CACNA1D: variants seen among roughly 807,000 people sequenced by gnomAD.
The protein encoded by CACNA1D is calcium voltage-gated channel subunit alpha1 D.
CACNA1D carries 55 observed loss-of-function variants against 257.1 expected under a neutral mutation model. The observed-to-expected ratio is 0.21, with a 90% CI of 0.17 to 0.27. The LOEUF is 0.27. Among genes scored for constraint, CACNA1D ranks in the 10% least tolerant of loss-of-function variants. The pLI is 1.00. For synonymous variants in CACNA1D, 980 were observed against 1,014.9 expected, an observed-to-expected ratio of 0.97 and a Z score of 0.65; for missense variants, 1,876 against 2,784.0, an observed-to-expected ratio of 0.67 and a Z score of 7.34.
At chr3:53,780,767 G>A (rs1043588521) in intron 38 of CACNA1D, among the ~76,000 whole-genome samples, 1 of 152,200 alleles carries the variant, frequency 6.6e-6, no homozygotes. Flanking sequence ...GTGGAATGGA[G>A]AGCAGATTGC....
Position 53,789,792 on chromosome 3 carries a change from C to T in CACNA1D, c.4923+2840C>T, listed in dbSNP as rs542946777. 3.3e-5 allele frequency among the ~76,000 whole-genome samples: 5 copies of T among 152,338 alleles called. No homozygotes were observed. Among genetic ancestry groups the T allele is most frequent in the East Asian group, 1.9e-4 (1 of 5,182 alleles). ...TTCCAGGATGGGCCCAAGACCTCTG[C>T]GCCCCCACCCCCAGGGAATGTTTTT... On this transcript the variant is annotated intron_variant, in intron 40 of 47. Transcript: ENST00000350061. This position sits in a 1 kb window ranked among gnomAD's most constrained non-coding sequence, Gnocchi z 4.2.
intron 3 of CACNA1D, among the ~76,000 whole-genome samples, chr3:53,531,754 C>G (rs539857945): frequency 6.6e-6 from 1 of 152,308 alleles, no homozygotes; most frequent in East Asian, 1.9e-4. Flanking sequence ...TCTTCTCTGA[C>G]AGTTTCTTTG....
At position 53,701,167 on chromosome 3, in the gene CACNA1D, C is replaced by T. The variant is rs1018380989; in HGVS notation, c.1221-1474C>T. Among the ~76,000 whole-genome samples the T allele has an allele frequency of 2.1e-4, 31 of 149,332 alleles. 1 individual carries two copies. Among genetic ancestry groups the T allele is most frequent in the Non-Finnish European group, 3.0e-4 (20 of 67,306 alleles). The stretch of plus-strand genomic sequence containing the variant: ...ATTATTATTATTATTTTGGAGACAG[C>T]GTCTTGCTCTGTTGCCCAGGCTGGA... On this transcript the variant is annotated intron_variant, in intron 8 of 47. Coordinates refer to ENST00000350061, the MANE Select transcript of CACNA1D (RefSeq NM_001128840.3).
chr3:53,505,121 T>G (rs1338745747), intron 3 of CACNA1D, among the ~76,000 whole-genome samples: 6 of 145,966 alleles, frequency 4.1e-5, no homozygotes, highest in Non-Finnish European at 9.1e-5. Context: ...ATTTGTTTTT[T>G]TTTTTTTTTT....
chr3:53,582,089 C>A (rs956304345), intron 3 of CACNA1D, among the ~76,000 whole-genome samples: 5 of 152,050 alleles, frequency 3.3e-5, no homozygotes, highest in Admixed American at 3.3e-4. Flanking sequence ...GTATATTCTC[C>A]TGTGTTTTTG....
chr3:53,585,625 C>T (rs1435790495), intron 3 of CACNA1D, among the ~76,000 whole-genome samples: 2 of 151,966 alleles, frequency 1.3e-5, no homozygotes, highest in Non-Finnish European at 2.9e-5. Flanking sequence ...AAGACCTTGT[C>T]CTTGTCTGGG....
chr3:53,641,327 C>T (rs748336983), intron 3 of CACNA1D, among the ~76,000 whole-genome samples: 5 of 152,146 alleles, frequency 3.3e-5, no homozygotes, highest in Non-Finnish European at 5.9e-5. Flanking sequence ...CCATCCTCTC[C>T]GCCCCAAAGG....
chr3:53,721,509 G>T (rs1231112618), intron 11 of CACNA1D, among the ~76,000 whole-genome samples: 2 of 152,222 alleles, frequency 1.3e-5, no homozygotes, highest in Non-Finnish European at 2.9e-5. Context: ...TCCCCTTGTG[G>T]CAGGGAAGGT....
chr3:53,630,676 C>G (rs2093812266), intron 3 of CACNA1D, among the ~76,000 whole-genome samples: 1 of 152,132 alleles, frequency 6.6e-6, no homozygotes, highest in South Asian at 2.1e-4. Context: ...CAAAGAATGC[C>G]AGTTCAAATG....
At chr3:53,616,307 T>G (rs543377182) in intron 3 of CACNA1D, among the ~76,000 whole-genome samples, 1 of 152,300 alleles carries the variant, frequency 6.6e-6, no homozygotes, top group Non-Finnish European at 1.5e-5. Flanking sequence ...TGTCTCTGTT[T>G]CAGGACCCCT....
chr3:53,504,278 G>T (rs924082601), intron 3 of CACNA1D, among the ~76,000 whole-genome samples: 1 of 132,660 alleles, frequency 7.5e-6, no homozygotes, highest in African/African-American at 2.6e-5. Context: ...CCATGGGAAA[G>T]ATGCAGTTGA....
At chr3:53,790,081 G>C (rs1471446259) in intron 40 of CACNA1D, among the ~76,000 whole-genome samples, 2 of 152,158 alleles carry the variant, frequency 1.3e-5, no homozygotes, top group African/African-American at 4.8e-5. Flanking sequence ...GAGAGAAGCT[G>C]CATCAGGCCT....
At chr3:53,685,619 CTT>C (rs1254558049) in intron 8 of CACNA1D, among the ~76,000 whole-genome samples, 1 of 152,122 alleles carries the variant, frequency 6.6e-6, no homozygotes, top group Admixed American at 6.5e-5. Context: ...TACAAAGTAT[CTT>C]TGTTCTAATG....
rs904865258 is a variant in CACNA1D, at chr3:53,803,706, C to A, written c.5585+134C>A. The stretch of plus-strand genomic sequence containing the variant: ...GCAAAATGGGAGCAGAAACTCCAGG[C>A]CAGAGGGAGAGTGGAGCTGGAGAAA... On this transcript the variant is annotated intron_variant, in intron 44 of 47. Coordinates refer to ENST00000350061, the MANE Select transcript of CACNA1D (RefSeq NM_001128840.3). 4.0e-5 allele frequency: 33 copies of A among 816,034 alleles called. No homozygotes were observed. The Admixed American group carries it at 5.6e-4, about 14-fold the overall frequency. The allele number at this position is 816,034 out of a possible 1,614,324, so 50.5% of individuals were successfully genotyped here.
At chr3:53,718,730 TCGG>T in intron 10 of CACNA1D, 1 of 1,556,908 alleles carries the variant, frequency 6.4e-7, no homozygotes. Flanking sequence ...CCTCTGGGTG[TCGG>T]CGGTGGGGGT....
chr3:53,681,403 GA>G (rs2094428862), intron 8 of CACNA1D, among the ~76,000 whole-genome samples: 1 of 152,196 alleles, frequency 6.6e-6, no homozygotes. Flanking sequence ...AGACGAATAA[GA>G]AGCAGAAAAT....
intron 8 of CACNA1D, 27 bp from the exon 9 acceptor site, chr3:53,702,614 T>C (rs1218964215): frequency 1.9e-6 from 3 of 1,612,216 alleles, no homozygotes; most frequent in Non-Finnish European, 2.5e-6. Flanking sequence ...TGTCCTGATA[T>C]GTGCTTGTCC....
In CACNA1D at chr3:53,663,022, T is replaced by C. The variant is rs79901388; in HGVS notation, c.767-2638T>C. 5.1e-3 allele frequency among the ~76,000 whole-genome samples: 778 copies of C among 152,262 alleles called. 3 individuals are homozygous for C. Among genetic ancestry groups the C allele is most frequent in the Non-Finnish European group, 9.5e-3 (644 of 68,024 alleles). ...GTAAAAATATTGAAAATCATCCTAA[T>C]TGATCATTTTTGAAAAAACCATGTG... On this transcript the variant is annotated intron_variant, in intron 5 of 47. Coordinates refer to ENST00000350061, the MANE Select transcript of CACNA1D (RefSeq NM_001128840.3).
chr3:53,731,249 T>G, intron 17 of CACNA1D, 103 bp downstream of exon 17: 3 of 818,578 alleles, frequency 3.7e-6, no homozygotes, highest in Non-Finnish European at 6.3e-6. Context: ...GTATCATTCT[T>G]GTAATATTTT....
Sources: allele counts gnomAD v4.1 joint callset (sites outside exome capture counted in the v4.1 genomes callset), GRCh38; gene constraint gnomAD v4.1.1; non-coding constraint Gnocchi (gnomAD v3.1); transcripts MANE v1.5; gene names NCBI Gene and HGNC (gene_info 2026-07-23, HGNC 2026-07-21).